Variants in DLC1 observed in about 807,000 individuals in gnomAD.
The protein encoded by DLC1 is DLC1 Rho GTPase activating protein.
A neutral mutation model predicts 140.3 loss-of-function variants in DLC1; 54 were observed. The ratio of observed to expected loss-of-function variants is 0.38; its 90% CI spans 0.31 to 0.48. The LOEUF is 0.48. Among genes scored for constraint, DLC1 ranks in the 20% least tolerant of loss-of-function variants. DLC1 has a pLI of 0.96. For missense variants in DLC1, 2,536 were observed against 1,907.0 expected, an observed-to-expected ratio of 1.33 and a Z score of -6.14; for synonymous variants, 986 against 728.1, an observed-to-expected ratio of 1.35 and a Z score of -5.70.
chr8:13,439,714 C>G (rs1276312948), intron 2 of DLC1, among the ~76,000 whole-genome samples: 3 of 152,078 alleles, frequency 2.0e-5, no homozygotes, highest in Non-Finnish European at 4.4e-5. Context: ...ACTAGTTGGT[C>G]GAGACTTCCA....
intron 1 of DLC1, among the ~76,000 whole-genome samples, chr8:13,549,094 C>A (rs1803759439): frequency 1.3e-5 from 2 of 152,028 alleles, no homozygotes; most frequent in African/African-American, 4.8e-5. Flanking sequence ...TCTCCACCTA[C>A]AGATGACTTA....
intron 2 of DLC1, among the ~76,000 whole-genome samples, chr8:13,428,119 CT>C (rs759042200): frequency 7.2e-5 from 11 of 151,990 alleles, no homozygotes; most frequent in Non-Finnish European, 1.0e-4. Flanking sequence ...TCTTTCCAGG[CT>C]TTTGTATGGG....
chr8:13,142,423 T>C (rs1049645854), intron 5 of DLC1, among the ~76,000 whole-genome samples: 1 of 152,148 alleles, frequency 6.6e-6, no homozygotes, highest in African/African-American at 2.4e-5. Context: ...AAAATAAATA[T>C]ATTAAGGCAA....
chr8:13,091,230 A>C, intron 14 of DLC1, 88 bp downstream of exon 14: 1 of 1,262,870 alleles, frequency 7.9e-7, no homozygotes, highest in East Asian at 2.3e-5. Context: ...AAAGGTCTTC[A>C]GGTAAGACAT....
chr8:13,115,788 C>T (rs1194916928), intron 5 of DLC1, 131 bp from the exon 6 acceptor site: 9 of 792,838 alleles, frequency 1.1e-5, no homozygotes, highest in Non-Finnish European at 1.7e-5. Context: ...AGCAAACAGA[C>T]ATACACGCTT....
intron 1 of DLC1, among the ~76,000 whole-genome samples, chr8:13,551,717 C>G (rs1040251797): frequency 6.6e-6 from 1 of 151,514 alleles, no homozygotes; most frequent in Non-Finnish European, 1.5e-5. Context: ...ATGTATCTAT[C>G]AAACATATGT....
chr8:13,370,597 C>A (rs536571168), intron 4 of DLC1, among the ~76,000 whole-genome samples: 1 of 152,190 alleles, frequency 6.6e-6, no homozygotes, highest in Admixed American at 6.5e-5. Context: ...AGCATATTAA[C>A]GTGCATAACT....
rs147918530 is a variant in DLC1, at chr8:13,094,923, C to T, written c.3362G>A (p.Arg1121Gln). The T allele has an allele frequency of 4.3e-6, 7 of 1,614,042 alleles. No individual in the cohort carries two copies. The highest frequency in any genetic ancestry group is 1.7e-5 in the Admixed American group (1 of 60,000). ...ATTCATCTGGCGCAGAGCCTGAATC[C>T]GGGACTTGACCCCCGATTTTCTGAA... The part of the protein sequence containing the change: ...GLFRKSGVKS[R>Q]IQALRQMNEG... Residue 1121 changes from arginine (R) to glutamine (Q), a missense_variant, in exon 12 of 18, where the codon CGG (arginine) becomes CAG (glutamine). Coordinates refer to ENST00000276297, the MANE Select transcript of DLC1 (RefSeq NM_182643.3).
chr8:13,257,529 A>G (rs1336397682), intron 5 of DLC1, among the ~76,000 whole-genome samples: 1 of 152,066 alleles, frequency 6.6e-6, no homozygotes, highest in Non-Finnish European at 1.5e-5. Context: ...ATCTTGACCA[A>G]TATAATCTAT....
intron 1 of DLC1, among the ~76,000 whole-genome samples, chr8:13,602,520 A>G (rs1006388288): frequency 6.6e-6 from 1 of 151,840 alleles, no homozygotes; most frequent in Non-Finnish European, 1.5e-5. Flanking sequence ...AAATGACATG[A>G]TGTCTAGGGT....
intron 5 of DLC1, among the ~76,000 whole-genome samples, chr8:13,156,243 T>C (rs940328297): frequency 6.6e-6 from 1 of 152,182 alleles, no homozygotes. Flanking sequence ...AGCTGAGTCC[T>C]ATAGCAACTT....
chr8:13,570,297 T>C (rs992483296), intron 1 of DLC1, among the ~76,000 whole-genome samples: 13 of 150,954 alleles, frequency 8.6e-5, no homozygotes, highest in Non-Finnish European at 1.5e-4. Flanking sequence ...ATTCTCTCTT[T>C]TTTTTTTTTT....
At chr8:13,287,522 C>T (rs1477083745) in intron 5 of DLC1, among the ~76,000 whole-genome samples, 4 of 152,250 alleles carry the variant, frequency 2.6e-5, no homozygotes, top group East Asian at 1.9e-4. Context: ...AGAGAAAAGG[C>T]TACTGTTTTG....
Position 13,090,248 on chromosome 8 carries a change from T to C in DLC1, c.4074+4A>G, listed in dbSNP as rs1817933030. ...AACTAGCCGACAACAGGGTGAAGCCTTACCTTCTTATAGGACAGCTCAGCC... is the reference window on the plus strand; with the variant it reads ...AACTAGCCGACAACAGGGTGAAGCCCTACCTTCTTATAGGACAGCTCAGCC... On this transcript the variant is annotated splice_donor_region_variant and intron_variant, in intron 15 of 17. Coordinates refer to ENST00000276297, the MANE Select transcript of DLC1 (RefSeq NM_182643.3). The C allele has an allele frequency of 6.2e-7, 1 of 1,613,174 alleles. No homozygotes were observed. The highest frequency in any genetic ancestry group is 1.7e-5 in the Admixed American group (1 of 59,924).
chr8:13,276,257 C>G (rs1226982168), intron 5 of DLC1: 5 of 1,535,484 alleles, frequency 3.3e-6, no homozygotes, highest in South Asian at 1.2e-5. Flanking sequence ...CCCTCTGCCT[C>G]TCACCTGCCA....
At chr8:13,399,187 A>T (rs949999673) in intron 3 of DLC1, among the ~76,000 whole-genome samples, 1 of 152,168 alleles carries the variant, frequency 6.6e-6, no homozygotes, top group Admixed American at 6.5e-5. Context: ...CCTAATTCAA[A>T]CTTCAAAAAT....
rs777218684 is a variant in DLC1 at position 13,092,749 on chromosome 8, C to T, written c.3603G>A (p.Leu1201=). The T allele has an allele frequency of 1.2e-6, 2 of 1,614,124 alleles. No homozygotes were observed. Among genetic ancestry groups the T allele is most frequent in the South Asian group, 1.1e-5 (1 of 91,056 alleles). Residue 1201 remains leucine (L), a synonymous_variant, in exon 13 of 18, where the codon CTG becomes CTA. Transcript: ENST00000276297. The part of the protein sequence containing the change: ...MLLPDENREV[L]QTLLYFLSDV... Reference sequence around the variant, plus strand: ...CGCTCAGGAAATAAAGCAGGGTCTGCAGAACCTCCCGGTTCTCGTCAGGCA... The same window carrying T: ...CGCTCAGGAAATAAAGCAGGGTCTGTAGAACCTCCCGGTTCTCGTCAGGCA...
At chr8:13,262,426 T>C (rs914121388) in intron 5 of DLC1, among the ~76,000 whole-genome samples, 4 of 152,202 alleles carry the variant, frequency 2.6e-5, no homozygotes, top group African/African-American at 9.6e-5. Flanking sequence ...TGTGTCCTTC[T>C]GGACTTGACA....
At chr8:13,290,628 C>T (rs529641733) in intron 5 of DLC1, among the ~76,000 whole-genome samples, 1 of 152,050 alleles carries the variant, frequency 6.6e-6, no homozygotes, top group Non-Finnish European at 1.5e-5. Context: ...TAAAAGGATG[C>T]CAGCCTTATA....
Sources: gnomAD v4.1 joint callset for allele counts (sites outside exome capture counted in the v4.1 genomes callset) on GRCh38, gnomAD v4.1.1 for gene constraint, MANE v1.5 for transcripts, NCBI Gene and HGNC (gene_info 2026-07-23, HGNC 2026-07-21) for gene names.